The following ETFA variants were observed in gnomAD, a reference collection of about 807,000 sequenced individuals.
ETFA encodes the protein electron transfer flavoprotein subunit alpha.
Under a neutral mutation model 46.2 loss-of-function variants are expected in ETFA, and 22 were observed. The observed-to-expected ratio is 0.48, with a 90% confidence interval of 0.34 to 0.68. The LOEUF is 0.68. Among genes scored for constraint, ETFA ranks in the 30% least tolerant of loss-of-function variants. ETFA has a pLI of 0.01. For missense variants in ETFA, 345 were observed against 401.1 expected (o/e 0.86, Z 1.19); for synonymous variants, 131 against 139.9 (o/e 0.94, Z 0.45).
intron 1 of ETFA, among the ~76,000 whole-genome samples, chr15:76,296,464 C>G (rs1170245553): frequency 6.6e-6 from 1 of 152,120 alleles, no homozygotes; most frequent in African/African-American, 2.4e-5. Flanking sequence ...TACTGTACTC[C>G]TACAGTATAG....
At chr15:76,274,647 C>T (rs924412945) in intron 8 of ETFA, among the ~76,000 whole-genome samples, 153 bp from the exon 9 acceptor site, 1 of 152,092 alleles carries the variant, frequency 6.6e-6, no homozygotes, top group African/African-American at 2.4e-5. Flanking sequence ...TCTTTTTATA[C>T]CCAAGTATTT....
At chr15:76,284,352 C>T (rs1456067288) in intron 7 of ETFA, 1 of 161,248 alleles carries the variant, frequency 6.2e-6, no homozygotes, top group Non-Finnish European at 1.3e-5. Context: ...GGGCCCAGCT[C>T]GGTGGCTCAC....
At position 76,225,874 on chromosome 15, in the gene ETFA, T is replaced by C; in HGVS notation, c.938A>G (p.Tyr313Cys). The change falls in exon 11 of 12, where the codon TAT becomes TGT. Residue 313 changes from tyrosine to cysteine, a missense_variant. Transcript: ENST00000557943. Reference sequence around the variant, plus strand: ...CTTAAATAAATCTGCAACTATTCCATAATCTGCCACTTGGAAAATTGGAGC... The same window carrying C: ...CTTAAATAAATCTGCAACTATTCCACAATCTGCCACTTGGAAAATTGGAGC... ...PEAPIFQVAD[Y>C]GIVADLFKVV... 2 of 1,610,940 alleles carry C rather than the reference T, an allele frequency of 1.2e-6. No homozygotes were observed. The highest frequency in any genetic ancestry group is 1.7e-5 in the Admixed American group (1 of 60,028).
At chr15:76,224,854 TCATGAC>T (rs1364188254) in intron 11 of ETFA, among the ~76,000 whole-genome samples, 1 of 152,110 alleles carries the variant, frequency 6.6e-6, no homozygotes. Context: ...CACGCATGAG[TCATGAC>T]CTTTAAATGT....
intron 1 of ETFA, among the ~76,000 whole-genome samples, chr15:76,306,107 G>A (rs1398865122): frequency 6.6e-6 from 1 of 151,412 alleles, no homozygotes; most frequent in Non-Finnish European, 1.5e-5. Context: ...TACCACAGAT[G>A]GTAGAAGAAG....
At chr15:76,249,586 C>T (rs1175058642) in intron 9 of ETFA, among the ~76,000 whole-genome samples, 13 of 151,830 alleles carry the variant, frequency 8.6e-5, no homozygotes, top group South Asian at 4.2e-4. Context: ...GGACTACAGG[C>T]GCCCGCCACC....
At chr15:76,259,787 A>G (rs1800931223) in intron 9 of ETFA, 1 of 1,603,562 alleles carries the variant, frequency 6.2e-7, no homozygotes, top group South Asian at 1.1e-5. Context: ...CAGGTACTCC[A>G]TGCTGCAGGC....
intron 7 of ETFA, among the ~76,000 whole-genome samples, chr15:76,285,213 A>G (rs2039694595): frequency 6.6e-6 from 1 of 152,216 alleles, no homozygotes; most frequent in Non-Finnish European, 1.5e-5. Context: ...GAAACTTTTT[A>G]AAGAGTTATA....
At chr15:76,309,871 G>A (rs2404972) in intron 1 of ETFA, 21,472 of 151,912 alleles carry the variant, frequency 0.14, 2,243 homozygotes, top group East Asian at 0.48. Flanking sequence ...TGAAAGACAT[G>A]GGTTTGAACT....
intron 9 of ETFA, among the ~76,000 whole-genome samples, chr15:76,252,104 C>T (rs1383508089): frequency 2.6e-5 from 4 of 152,154 alleles, no homozygotes; most frequent in Non-Finnish European, 5.9e-5. Context: ...CTTCTAAAAA[C>T]CAAATTTGCA....
intron 9 of ETFA, chr15:76,274,025 C>G (rs935290441): frequency 4.9e-6 from 1 of 205,392 alleles, no homozygotes; most frequent in Non-Finnish European, 1.0e-5. Context: ...TTTCAAAATT[C>G]TGTTCATTAA....
chr15:76,289,124 G>T (rs904823081), intron 4 of ETFA, among the ~76,000 whole-genome samples: 1 of 151,870 alleles, frequency 6.6e-6, no homozygotes, highest in Non-Finnish European at 1.5e-5. Context: ...TGTAGAAGCG[G>T]GGTCTTGCGT....
At chr15:76,228,379 TCTCA>T (rs2039027164) in intron 10 of ETFA, 1 of 203,170 alleles carries the variant, frequency 4.9e-6, no homozygotes. Context: ...GAGATGGGGT[TCTCA>T]CTGTGTTGCC....
At chr15:76,221,771 A>G (rs771161670) in intron 11 of ETFA, among the ~76,000 whole-genome samples, 4 of 152,242 alleles carry the variant, frequency 2.6e-5, no homozygotes, top group Non-Finnish European at 4.4e-5. Flanking sequence ...GTATGTGGCC[A>G]AGGCAGAATT....
chr15:76,260,597 A>G (rs1198226988), intron 9 of ETFA: 2 of 1,508,616 alleles, frequency 1.3e-6, no homozygotes, highest in Non-Finnish European at 1.8e-6. Flanking sequence ...TTGTCAGCTC[A>G]TCCTGGGTTC....
chr15:76,267,285 T>A (rs1456534006), intron 9 of ETFA, among the ~76,000 whole-genome samples: 2 of 151,776 alleles, frequency 1.3e-5, no homozygotes, highest in Non-Finnish European at 2.9e-5. Flanking sequence ...TGTACTTAAA[T>A]CAAATTGCTG....
At chr15:76,307,094 G>A (rs746461787) in intron 1 of ETFA, among the ~76,000 whole-genome samples, 1 of 152,130 alleles carries the variant, frequency 6.6e-6, no homozygotes, top group African/African-American at 2.4e-5. Flanking sequence ...ACAGTAAAAA[G>A]AGTACTCAAA....
rs982098987 is a variant in ETFA, at chr15:76,227,919, C to T, written c.883-1990G>A. The stretch of plus-strand genomic sequence containing the variant: ...GTAACTGCTAATCCAGAGAAACATG[C>T]TACACACATTAAGATGCATAGTCAG... On this transcript the variant is annotated intron_variant, in intron 10 of 11. Coordinates refer to ENST00000557943, the MANE Select transcript of ETFA (RefSeq NM_000126.4). The T allele has an allele frequency of 2.0e-5, 9 of 455,928 alleles. No homozygotes were observed. The Admixed American group carries it at 2.1e-4, about 11-fold the overall frequency. The allele number at this position is 455,928 out of a possible 1,614,324, so 28.2% of individuals were successfully genotyped here.
intron 9 of ETFA, chr15:76,259,851 TGA>T: frequency 6.9e-7 from 1 of 1,450,912 alleles, no homozygotes; most frequent in Non-Finnish European, 9.6e-7. Flanking sequence ...AGCCAGGAGG[TGA>T]GCAGGAAGGC....
Sources: gnomAD v4.1 joint callset for allele counts (sites outside exome capture counted in the v4.1 genomes callset) on GRCh38, gnomAD v4.1.1 for gene constraint, MANE v1.5 for transcripts, NCBI Gene and HGNC (gene_info 2026-07-23, HGNC 2026-07-21) for gene names.